The following CD84 variants were observed in gnomAD, a reference collection of about 807,000 sequenced individuals.
CD84 encodes the protein CD84 molecule.
A neutral mutation model predicts 33.8 loss-of-function variants in CD84; 22 were observed. The ratio of observed to expected loss-of-function variants is 0.65; its 90% confidence interval spans 0.46 to 0.93. CD84 has a LOEUF of 0.93. Among genes scored for constraint, CD84 ranks in the 40% least tolerant of loss-of-function variants. The pLI, the probability that CD84 is intolerant of heterozygous loss-of-function variation, is 0.00. For synonymous variants in CD84, 154 were observed against 145.2 expected (o/e 1.06, Z -0.44); for missense variants, 400 against 397.6 (o/e 1.01, Z -0.05).
Position 160,553,941 on chromosome 1 carries a change from AG to A in CD84, c.593del (p.Pro198LeufsTer30). The A allele has an allele frequency of 6.2e-7, 1 of 1,614,236 alleles. No individual in the cohort carries two copies. Among genetic ancestry groups the A allele is most frequent in the Non-Finnish European group, 8.5e-7 (1 of 1,180,044 alleles). ...AGATGGAGTCAGAATTGTTGCTGAC[AG>A]GGTTCTGGGCTGTACACGTGTAAGT... ...ELTYTCTAQNPVSNNSDSISA... is the reference protein window; with the variant it reads ...ELTYTCTAQNXVSNNSDSISA... On this transcript the variant is annotated frameshift_variant, in exon 3 of 7. Transcript: ENST00000368054. LOFTEE classifies it high-confidence loss of function.
intron 2 of CD84, among the ~76,000 whole-genome samples, chr1:160,562,389 T>C (rs1030699393): frequency 6.6e-6 from 1 of 151,850 alleles, no homozygotes; most frequent in African/African-American, 2.4e-5. Context: ...CATAGACCAA[T>C]GGAACAGAAT....
intron 6 of CD84, 54 bp from the exon 7 acceptor site, chr1:160,548,375 C>A: frequency 6.3e-7 from 1 of 1,592,496 alleles, no homozygotes; most frequent in Admixed American, 1.7e-5. Flanking sequence ...TGCTGGGGAA[C>A]TCCAGTCCTG....
rs758794752 is a variant in CD84 at position 160,548,253 on chromosome 1, A to G, written c.*3T>C. On this transcript the variant is annotated 3_prime_UTR_variant, in exon 7 of 7. Transcript: ENST00000368054. ...TTCCAGAGGGAGAATTCAGCCCAGC[A>G]GCCTAGATCACAATTTCATAGCTTG... 3 of 1,614,152 alleles carry G rather than the reference A, an allele frequency of 1.9e-6. No homozygotes were observed. The South Asian group carries it at 3.3e-5, about 18-fold the overall frequency.
rs529441000 is a variant in CD84 at position 160,542,936 on chromosome 1, T to A, written c.*5320A>T. ...CAGTTGTTTTTTTTAACCACTAAAT[T>A]GTTCAGCACAATTCCCCAAATTCTT... On this transcript the variant is annotated 3_prime_UTR_variant, in exon 7 of 7. Coordinates refer to ENST00000368054, the MANE Select transcript of CD84 (RefSeq NM_003874.4). The A allele has an allele frequency of 6.6e-6, 1 of 152,306 alleles. No homozygotes were observed. The highest frequency in any genetic ancestry group is 1.5e-5 in the Non-Finnish European group (1 of 68,028). 9.4% of individuals were successfully genotyped at this position (152,306 alleles called of 1,614,324 possible).
At chr1:160,552,022 A>T (rs1656267441) in intron 4 of CD84, among the ~76,000 whole-genome samples, 1 of 152,222 alleles carries the variant, frequency 6.6e-6, no homozygotes, top group Non-Finnish European at 1.5e-5. Flanking sequence ...TTTTAGGGTC[A>T]AGGTGAAAAA....
chr1:160,558,819 C>G (rs1656767963), intron 2 of CD84, among the ~76,000 whole-genome samples: 1 of 152,078 alleles, frequency 6.6e-6, no homozygotes. Flanking sequence ...CTGAAAACCA[C>G]AACACGAGAT....
At chr1:160,555,315 C>T (rs1326558774) in intron 2 of CD84, among the ~76,000 whole-genome samples, 1 of 152,070 alleles carries the variant, frequency 6.6e-6, no homozygotes, top group Non-Finnish European at 1.5e-5. Flanking sequence ...AATCTCCTGA[C>T]CTCGTGATCC....
In CD84 at chr1:160,565,576, G is replaced by C. The variant is rs749987969; in HGVS notation, c.216C>G (p.Pro72=). 6.2e-7 allele frequency: 1 copy of C among 1,613,954 alleles called. No individual in the cohort carries two copies. Among genetic ancestry groups the C allele is most frequent in the Non-Finnish European group, 8.5e-7 (1 of 1,179,892 alleles). ...AATTTCTGTGGGTCACAGTAACTAC[G>C]GGTGCTGTTTCTGAGTCTCCTGGTG... The part of the protein sequence containing the change: ...YVTPGDSETA[P]VVTVTHRNYY... Residue 72 remains proline (P), a synonymous_variant, in exon 2 of 7, where the codon CCC becomes CCG. Coordinates refer to ENST00000368054, the MANE Select transcript of CD84 (RefSeq NM_003874.4).
intron 1 of CD84, among the ~76,000 whole-genome samples, 200 bp downstream of exon 1, chr1:160,579,192 C>T (rs868522431): frequency 2.6e-5 from 4 of 152,108 alleles, no homozygotes; most frequent in African/African-American, 2.4e-5. Flanking sequence ...GTAATATAAA[C>T]TTTAAAGCTG....
In CD84 at chr1:160,553,389, T is replaced by C. The variant is rs765056389; in HGVS notation, c.749A>G (p.Lys250Arg). 2 of 1,614,144 alleles carry C rather than the reference T, an allele frequency of 1.2e-6. No homozygotes were observed. Among genetic ancestry groups the C allele is most frequent in the Non-Finnish European group, 1.7e-6 (2 of 1,180,020 alleles). Reference sequence around the variant, plus strand: ...TGGGAAAATCCTACCTTGTCTTCTCTTGAACAAACGGAACAAAAACACTGA... The same window carrying C: ...TGGGAAAATCCTACCTTGTCTTCTCCTGAACAAACGGAACAAAAACACTGA... ...LSSVFLFRLF[K>R]RRQDAASKKT... is the part of the protein sequence containing the mutation. The change falls in exon 4 of 7, where the codon AAG (lysine) becomes AGG (arginine). Residue 250 changes from lysine (K) to arginine (R), a missense_variant. By Grantham distance (26) the Lys-to-Arg change is conservative. Coordinates refer to ENST00000368054, the MANE Select transcript of CD84 (RefSeq NM_003874.4).
rs79058585 is a variant in CD84 at position 160,564,118 on chromosome 1, C to T, written c.388+1286G>A. Among the ~76,000 whole-genome samples the T allele has an allele frequency of 2.7e-4, 41 of 152,248 alleles. No individual in the cohort carries two copies. In the East Asian group the frequency reaches 4.8e-3, roughly 18 times the overall value. On this transcript the variant is annotated intron_variant, in intron 2 of 6. Coordinates refer to ENST00000368054, the MANE Select transcript of CD84 (RefSeq NM_003874.4). ...TTGGGGTAGCTTGCAAAACAAAGCA[C>T]GCACATCTCCCAGTGAATTGTGGCA...
chr1:160,547,989 T>C lies in CD84; in HGVS notation c.*267A>G. ...AAAATATTATTTTCTACATGTGCTA[T>C]GATGGGAAGAAGTTTGGGAAAACTA... On this transcript the variant is annotated 3_prime_UTR_variant, in exon 7 of 7. Transcript: ENST00000368054. 4.1e-6 allele frequency: 2 copies of C among 493,540 alleles called. No homozygotes were observed. Among genetic ancestry groups the C allele is most frequent in the South Asian group, 4.6e-5 (2 of 43,810 alleles). The allele number at this position is 493,540 out of a possible 1,614,324, so 30.6% of individuals were successfully genotyped here.
Position 160,548,154 on chromosome 1 carries a change from A to T in CD84, c.*102T>A. 1 of 1,246,286 alleles carries T rather than the reference A, an allele frequency of 8.0e-7. No homozygotes were observed. Among genetic ancestry groups the T allele is most frequent in the Non-Finnish European group, 1.2e-6 (1 of 857,494 alleles). The allele number at this position is 1,246,286 out of a possible 1,614,324, so 77.2% of individuals were successfully genotyped here. A position where few individuals can be genotyped will look rare whatever the true frequency, so the allele number is the denominator to read the frequency against. ...TACAGGCTGAGATGTGGCAGTTTGC[A>T]ATCTCCCAGTAAGAGTTGGGCAGAG... On this transcript the variant is annotated 3_prime_UTR_variant, in exon 7 of 7. Transcript: ENST00000368054.
At position 160,569,949 on chromosome 1, in the gene CD84, C is replaced by T. The variant is rs115233195; in HGVS notation, c.47-4204G>A. On this transcript the variant is annotated intron_variant, in intron 1 of 6. Coordinates refer to ENST00000368054, the MANE Select transcript of CD84 (RefSeq NM_003874.4). ...CAGAGGGGAACTATTAAGGTTTTTGCGAGTGAAGATTAAAATAATGTTTTA... is the reference window on the plus strand; with the variant it reads ...CAGAGGGGAACTATTAAGGTTTTTGTGAGTGAAGATTAAAATAATGTTTTA... 9.5e-3 allele frequency among the ~76,000 whole-genome samples: 1,439 copies of T among 151,984 alleles called. 9 individuals carry two copies. Among genetic ancestry groups the T allele is most frequent in the Admixed American group, 0.015 (232 of 15,254 alleles).
intron 2 of CD84, among the ~76,000 whole-genome samples, chr1:160,555,990 T>A (rs766413727): frequency 4.6e-5 from 7 of 152,172 alleles, no homozygotes; most frequent in Admixed American, 1.3e-4. Flanking sequence ...CAGACCTGGA[T>A]TAACTATAAT....
At position 160,551,036 on chromosome 1, in the gene CD84, C is replaced by G; in HGVS notation, c.761-1G>C. ...TATATGGTTTTCTTTGAGGCAGCAT[C>G]TGTCTCACAAATAAATATAGACCCA... On this transcript the variant is annotated splice_acceptor_variant, in intron 4 of 6. Transcript: ENST00000368054. LOFTEE classifies it high-confidence loss of function. 6.2e-7 allele frequency: 1 copy of G among 1,609,894 alleles called. No homozygotes were observed. Among genetic ancestry groups the G allele is most frequent in the Non-Finnish European group, 8.5e-7 (1 of 1,176,102 alleles).
At chr1:160,572,469 C>A (rs964854767) in intron 1 of CD84, among the ~76,000 whole-genome samples, 1 of 151,968 alleles carries the variant, frequency 6.6e-6, no homozygotes, top group South Asian at 2.1e-4. Context: ...GGTGCCTCAT[C>A]TGTAAAGTGT....
intron 1 of CD84, among the ~76,000 whole-genome samples, chr1:160,569,243 C>G (rs1298183136): frequency 6.6e-6 from 1 of 152,034 alleles, no homozygotes; most frequent in Non-Finnish European, 1.5e-5. Flanking sequence ...TTTCAGGTAC[C>G]CTGGATAGAC....
At chr1:160,555,031 C>G (rs920010795) in intron 2 of CD84, among the ~76,000 whole-genome samples, 30 of 151,306 alleles carry the variant, frequency 2.0e-4, no homozygotes, top group Middle Eastern at 3.2e-3. Flanking sequence ...TACACACACC[C>G]AATTAAGAGC....
Sources: gnomAD v4.1 joint callset for allele counts (sites outside exome capture counted in the v4.1 genomes callset) on GRCh38, gnomAD v4.1.1 for gene constraint, MANE v1.5 for transcripts, NCBI Gene and HGNC (gene_info 2026-07-23, HGNC 2026-07-21) for gene names.